SYT10: variants seen among roughly 807,000 people sequenced by gnomAD.
The protein encoded by SYT10 is synaptotagmin-10.
SYT10 carries 31 observed loss-of-function variants against 51.1 expected under a neutral mutation model. That is an observed-to-expected ratio of 0.61 (90% CI 0.46 to 0.82). SYT10 has a LOEUF of 0.82. SYT10 is among the 40% of genes least tolerant of loss of function. The probability of loss-of-function intolerance (pLI) is 0.00; values close to 1 mark genes in which losing one functional copy is unlikely to be tolerated. For synonymous variants in SYT10, 233 were observed against 225.9 expected, an observed-to-expected ratio of 1.03 and a Z score of -0.28; for missense variants, 603 against 634.0, an observed-to-expected ratio of 0.95 and a Z score of 0.53.
intron 3 of SYT10, among the ~76,000 whole-genome samples, chr12:33,387,265 G>A (rs1866164831): frequency 6.6e-6 from 1 of 152,152 alleles, no homozygotes; most frequent in African/African-American, 2.4e-5. Flanking sequence ...TTAAATTTGT[G>A]TTTGACCCCC....
intron 2 of SYT10, among the ~76,000 whole-genome samples, chr12:33,413,027 G>A (rs1247024148): frequency 2.0e-5 from 3 of 152,158 alleles, no homozygotes; most frequent in East Asian, 1.9e-4. Flanking sequence ...CGAGAACTAC[G>A]TGACAAATGC....
intron 1 of SYT10, among the ~76,000 whole-genome samples, chr12:33,429,945 C>T (rs1192713436): frequency 1.3e-5 from 2 of 152,188 alleles, no homozygotes; most frequent in African/African-American, 4.8e-5. Flanking sequence ...TCTACACAGG[C>T]TTTCAAGTTA....
intron 2 of SYT10, among the ~76,000 whole-genome samples, chr12:33,414,984 T>C (rs953402241): frequency 3.3e-5 from 5 of 152,212 alleles, no homozygotes; most frequent in Non-Finnish European, 5.9e-5. Flanking sequence ...ACGGAGCTGC[T>C]CTGGTTGACA....
chr12:33,439,519 T>G lies in SYT10; in HGVS notation c.4A>C (p.Ser2Arg), dbSNP rs748211743. M[S>R]FHKEDGVNSL... ...TTCACTCCGTCCTCCTTGTGGAAAC[T>G]CATCGTTTGGCTTTTCTTTCGTTTT... is the stretch of plus-strand genomic sequence containing the variant. The change falls in exon 1 of 7, where the codon AGT (serine) becomes CGT (arginine). Residue 2 changes from serine (S) to arginine (R), a missense_variant. Coordinates refer to ENST00000228567, the MANE Select transcript of SYT10 (RefSeq NM_198992.4). 1 of 1,612,690 alleles carries G rather than the reference T, an allele frequency of 6.2e-7. No homozygotes were observed. The highest frequency in any genetic ancestry group is 1.1e-5 in the South Asian group (1 of 90,968).
At chr12:33,392,000 G>C (rs1457906477) in intron 3 of SYT10, among the ~76,000 whole-genome samples, 1 of 152,174 alleles carries the variant, frequency 6.6e-6, no homozygotes, top group East Asian at 1.9e-4. Context: ...AATTGTGCAA[G>C]TGCTTGCCCA....
At chr12:33,435,568 G>A (rs1866631873) in intron 1 of SYT10, among the ~76,000 whole-genome samples, 1 of 152,104 alleles carries the variant, frequency 6.6e-6, no homozygotes, top group Admixed American at 6.5e-5. Flanking sequence ...TTCTTTTATA[G>A]ACCTACAAGT....
intron 2 of SYT10, among the ~76,000 whole-genome samples, chr12:33,418,949 C>A (rs1383252746): frequency 6.6e-6 from 1 of 152,030 alleles, no homozygotes; most frequent in Non-Finnish European, 1.5e-5. Context: ...GAGTAAAAGT[C>A]AAAAATAATG....
intron 3 of SYT10, among the ~76,000 whole-genome samples, chr12:33,386,844 ATTAT>A (rs1157426797): frequency 6.6e-6 from 1 of 152,174 alleles, no homozygotes; most frequent in Non-Finnish European, 1.5e-5. Flanking sequence ...AACTGAATAC[ATTAT>A]TTAATTAATC....
intron 3 of SYT10, among the ~76,000 whole-genome samples, chr12:33,392,089 G>A (rs1316627467): frequency 6.6e-6 from 1 of 152,208 alleles, no homozygotes; most frequent in Non-Finnish European, 1.5e-5. Context: ...GGTTTGGAGA[G>A]CTACAGTTAG....
intron 1 of SYT10, among the ~76,000 whole-genome samples, chr12:33,438,501 G>C (rs889663408): frequency 3.3e-5 from 5 of 152,106 alleles, no homozygotes; most frequent in Non-Finnish European, 7.3e-5. Context: ...CAGTGGCTTG[G>C]ATTCGATCCT....
At chr12:33,429,027 G>A (rs1277523048) in intron 1 of SYT10, among the ~76,000 whole-genome samples, 2 of 152,160 alleles carry the variant, frequency 1.3e-5, no homozygotes, top group Non-Finnish European at 2.9e-5. Context: ...GCAGCACGTG[G>A]AGTTGATGAA....
In SYT10 at chr12:33,406,794, T is replaced by C; in HGVS notation, c.1072A>G (p.Thr358Ala). ...ATVWKDIHCA[T>A]TESIDLGEIM... ...TTGGTGGAATTACTACTTACTGTGGTAGCACAGTGAATATCTTTCCATACT... is the reference window on the plus strand; with the variant it reads ...TTGGTGGAATTACTACTTACTGTGGCAGCACAGTGAATATCTTTCCATACT... The change falls in exon 3 of 7, where the codon ACC (threonine) becomes GCC (alanine). Residue 358 changes from threonine to alanine, a missense_variant. Thr to Ala is a moderately conservative substitution (Grantham distance 58). Coordinates refer to ENST00000228567, the MANE Select transcript of SYT10 (RefSeq NM_198992.4). The C allele has an allele frequency of 6.2e-7, 1 of 1,606,052 alleles. No individual in the cohort carries two copies. The highest frequency in any genetic ancestry group is 8.5e-7 in the Non-Finnish European group (1 of 1,176,902).
intron 1 of SYT10, chr12:33,432,568 A>G (rs1174042769): frequency 6.6e-6 from 1 of 152,136 alleles, no homozygotes; most frequent in Non-Finnish European, 1.5e-5. Context: ...AACAGCTTAT[A>G]TTGTAAAATA....
chr12:33,381,370 G>A (rs1866113579), intron 5 of SYT10, among the ~76,000 whole-genome samples: 2 of 152,094 alleles, frequency 1.3e-5, no homozygotes, highest in African/African-American at 4.8e-5. Flanking sequence ...CTATAAAATG[G>A]ACACTTAGCG....
chr12:33,438,911 C>T (rs1044014579), intron 1 of SYT10, among the ~76,000 whole-genome samples: 1 of 152,268 alleles, frequency 6.6e-6, no homozygotes, highest in African/African-American at 2.4e-5. Context: ...ATGGCTTGTC[C>T]GTCCCGCCTG....
chr12:33,380,260 T>C (rs1426099007), intron 5 of SYT10, among the ~76,000 whole-genome samples: 1 of 152,208 alleles, frequency 6.6e-6, no homozygotes, highest in Non-Finnish European at 1.5e-5. Context: ...GGTCTTTACC[T>C]ATATGATGAG....
intron 1 of SYT10, among the ~76,000 whole-genome samples, chr12:33,435,870 C>T (rs1866633875): frequency 6.6e-6 from 1 of 152,150 alleles, no homozygotes; most frequent in South Asian, 2.1e-4. Context: ...CATATACCTA[C>T]TTTTATCCCT....
At chr12:33,403,577 C>T (rs1182889300) in intron 3 of SYT10, among the ~76,000 whole-genome samples, 1 of 152,110 alleles carries the variant, frequency 6.6e-6, no homozygotes, top group Non-Finnish European at 1.5e-5. Flanking sequence ...GTTACATAAA[C>T]TCTTTTATGT....
At position 33,407,169 on chromosome 12, in the gene SYT10, C is replaced by T; in HGVS notation, c.697G>A (p.Gly233Arg). 1 of 1,614,074 alleles carries T rather than the reference C, an allele frequency of 6.2e-7. No individual in the cohort carries two copies. Among genetic ancestry groups the T allele is most frequent in the Non-Finnish European group, 8.5e-7 (1 of 1,180,022 alleles). Reference protein sequence around the residue: ...GNQNEDVKICGKLNFTLQYDY... With the variant: ...GNQNEDVKICRKLNFTLQYDY... ...TACTGGAGGGTAAAGTTAAGTTTCC[C>T]ACAGATTTTGACATCTTCGTTTTGG... Residue 233 changes from glycine (G) to arginine (R), a missense_variant, in exon 3 of 7, where the codon GGG (glycine) becomes AGG (arginine). Coordinates refer to ENST00000228567, the MANE Select transcript of SYT10 (RefSeq NM_198992.4).
Sources: allele counts gnomAD v4.1 joint callset (sites outside exome capture counted in the v4.1 genomes callset), GRCh38; gene constraint gnomAD v4.1.1; transcripts MANE v1.5; gene names NCBI Gene and HGNC (gene_info 2026-07-23, HGNC 2026-07-21).